Variants in CXADR observed in about 807,000 individuals in gnomAD.
CXADR encodes the protein coxsackievirus and adenovirus receptor.
Under a neutral mutation model 40.3 loss-of-function variants are expected in CXADR, and 20 were observed. The ratio of observed to expected loss-of-function variants is 0.50; its 90% confidence interval spans 0.35 to 0.72. The LOEUF (loss-of-function observed/expected upper bound fraction) is 0.72, where lower values mean the gene tolerates loss of function less well. CXADR is among the 30% of genes least tolerant of loss of function. CXADR has a pLI of 0.01. For synonymous variants in CXADR, 150 were observed against 161.3 expected, an observed-to-expected ratio of 0.93 and a Z score of 0.53; for missense variants, 332 against 449.1, an observed-to-expected ratio of 0.74 and a Z score of 2.36.
intron 7 of CXADR, among the ~76,000 whole-genome samples, chr21:17,578,761 G>T (rs2061339132): frequency 6.6e-6 from 1 of 152,194 alleles, no homozygotes; most frequent in African/African-American, 2.4e-5. Context: ...CCCCAAGGGT[G>T]CAGTGAGCCA....
chr21:17,611,205 T>C, the CXADR span, among the ~76,000 whole-genome samples: 7 of 152,326 alleles, frequency 4.6e-5, no homozygotes, highest in East Asian at 7.7e-4. Flanking sequence ...CCCAAGGCAA[T>C]TTAATATACG....
At chr21:17,609,976 T>C in the CXADR span, among the ~76,000 whole-genome samples, 2 of 152,216 alleles carry the variant, frequency 1.3e-5, no homozygotes, top group South Asian at 4.1e-4. Context: ...ATACATGTAA[T>C]GGAATATTAT....
chr21:17,587,291 C>T (rs2061404392), intron 7 of CXADR, among the ~76,000 whole-genome samples: 1 of 152,200 alleles, frequency 6.6e-6, no homozygotes, highest in Admixed American at 6.5e-5. Flanking sequence ...ATTTCTAGTT[C>T]TAGATCCCTG....
intron 1 of CXADR, among the ~76,000 whole-genome samples, chr21:17,530,732 T>G (rs1024847797): frequency 2.0e-5 from 3 of 152,136 alleles, no homozygotes; most frequent in African/African-American, 7.2e-5. Flanking sequence ...GAGAATCACT[T>G]GAGCCCAGGA....
downstream of CXADR, chr21:17,594,288 C>G: frequency 6.2e-7 from 1 of 1,612,858 alleles, no homozygotes; most frequent in Non-Finnish European, 8.5e-7. Flanking sequence ...TTTTTCTGGG[C>G]AAAGGGTGCC....
At chr21:17,539,032 T>TA (rs142620855) in intron 1 of CXADR, among the ~76,000 whole-genome samples, 4,427 of 152,254 alleles carry the variant, frequency 0.029, 87 homozygotes, top group Middle Eastern at 0.051. Flanking sequence ...TGAACGTTGA[T>TA]ACCCTGCTGC....
At chr21:17,561,968 CATTTGGCA>C (rs1382102878) in intron 6 of CXADR, among the ~76,000 whole-genome samples, 1 of 152,110 alleles carries the variant, frequency 6.6e-6, no homozygotes, top group Non-Finnish European at 1.5e-5. Flanking sequence ...TAGAAATTGA[CATTTGGCA>C]GGTCTAGGGT....
chr21:17,567,860 T>G lies in CXADR; in HGVS notation c.*2168T>G. ...AAGTGGACACGTATAAGACTTTCCT[T>G]CCTTTTTTTTTTTAATAACATATGA... On this transcript the variant is annotated 3_prime_UTR_variant, in exon 7 of 7. Coordinates refer to ENST00000284878, the MANE Select transcript of CXADR (RefSeq NM_001338.5). 1.1e-6 allele frequency: 1 copy of G among 903,934 alleles called. No individual in the cohort carries two copies. The highest frequency in any genetic ancestry group is 1.3e-6 in the Non-Finnish European group (1 of 768,756). The allele number at this position is 903,934 out of a possible 1,614,324, so 56.0% of individuals were successfully genotyped here. A position where few individuals can be genotyped will look rare whatever the true frequency, so the allele number is the denominator to read the frequency against.
At chr21:17,542,119 T>C in intron 1 of CXADR, 1 of 271,372 alleles carries the variant, frequency 3.7e-6, no homozygotes, top group South Asian at 3.4e-5. Flanking sequence ...CTGTTCTACT[T>C]TTCTCTAAGG....
chr21:17,596,598 G>A (rs1047407275), downstream of CXADR, among the ~76,000 whole-genome samples: 1 of 151,986 alleles, frequency 6.6e-6, no homozygotes, highest in Non-Finnish European at 1.5e-5. Context: ...AAGACTAACT[G>A]TATGTATGTG....
In CXADR at chr21:17,566,095, T is replaced by G; in HGVS notation, c.*403T>G. 1 of 984,054 alleles carries G rather than the reference T, an allele frequency of 1.0e-6. No individual in the cohort carries two copies. The highest frequency in any genetic ancestry group is 1.2e-6 in the Non-Finnish European group (1 of 828,082). 61.0% of individuals were successfully genotyped at this position (984,054 alleles called of 1,614,324 possible). On this transcript the variant is annotated 3_prime_UTR_variant, in exon 7 of 7. Coordinates refer to ENST00000284878, the MANE Select transcript of CXADR (RefSeq NM_001338.5). ...CATTTTTACCATTATTTTTAGGATG[T>G]GTATTTCATTTATTTATGGCCCACC...
chr21:17,592,638 CCT>C (rs1161771502), intron 7 of CXADR, among the ~76,000 whole-genome samples: 4 of 151,306 alleles, frequency 2.6e-5, no homozygotes, highest in African/African-American at 7.3e-5. Context: ...ATTTTTTTTT[CCT>C]TTTTTTCTTT....
Position 17,566,788 on chromosome 21 carries a change from A to G in CXADR, c.*1096A>G, listed in dbSNP as rs1171265879. 9.3e-6 allele frequency: 9 copies of G among 966,556 alleles called. No individual in the cohort carries two copies. The highest frequency in any genetic ancestry group is 9.8e-6 in the Non-Finnish European group (8 of 812,956). The allele number at this position is 966,556 out of a possible 1,614,324, so 59.9% of individuals were successfully genotyped here. On this transcript the variant is annotated 3_prime_UTR_variant, in exon 7 of 7. Coordinates refer to ENST00000284878, the MANE Select transcript of CXADR (RefSeq NM_001338.5). Reference sequence around the variant, plus strand: ...TCATAAATGCAGAATAATCAAATACATTTTAAGCAAGTTAAGTGTCCTCCA... The same window carrying G: ...TCATAAATGCAGAATAATCAAATACGTTTTAAGCAAGTTAAGTGTCCTCCA...
downstream of CXADR, among the ~76,000 whole-genome samples, chr21:17,573,255 C>T (rs1230699831): frequency 6.6e-6 from 1 of 152,104 alleles, no homozygotes; most frequent in Admixed American, 6.5e-5. Flanking sequence ...CAACTAATTG[C>T]GTCTGTAGCA....
In CXADR at chr21:17,567,153, G is replaced by T; in HGVS notation, c.*1461G>T. On this transcript the variant is annotated 3_prime_UTR_variant, in exon 7 of 7. Transcript: ENST00000284878. ...CGGTCTGCAATAAATTATTTCACTA[G>T]CTCTAAAACCTTTCCCTAGATTTTA... 1 of 984,694 alleles carries T rather than the reference G, an allele frequency of 1.0e-6. No individual in the cohort carries two copies. The highest frequency in any genetic ancestry group is 1.2e-6 in the Non-Finnish European group (1 of 829,336). 61.0% of individuals were successfully genotyped at this position (984,694 alleles called of 1,614,324 possible). A position where few individuals can be genotyped will look rare whatever the true frequency, so the allele number is the denominator to read the frequency against.
the CXADR span, among the ~76,000 whole-genome samples, chr21:17,624,180 C>G: frequency 6.6e-6 from 1 of 152,124 alleles, no homozygotes; most frequent in Non-Finnish European, 1.5e-5. Flanking sequence ...CATGCTTTCT[C>G]CCTCTCTTGC....
In CXADR at chr21:17,568,294, A is replaced by G; in HGVS notation, c.*2602A>G. ...CAGGCTCCCATCACCACGCTCGGCT[A>G]AGTTTTTGTAATTTTAGTAGAGACA... On this transcript the variant is annotated 3_prime_UTR_variant, in exon 7 of 7. Transcript: ENST00000284878. The G allele has an allele frequency of 1.3e-6, 1 of 790,242 alleles. No homozygotes were observed. The highest frequency in any genetic ancestry group is 1.5e-6 in the Non-Finnish European group (1 of 652,624). The allele number at this position is 790,242 out of a possible 1,614,324, so 49.0% of individuals were successfully genotyped here. A position where few individuals can be genotyped will look rare whatever the true frequency, so the allele number is the denominator to read the frequency against.
At chr21:17,633,272 T>A in the CXADR span, 1 of 152,134 alleles carries the variant, frequency 6.6e-6, no homozygotes, top group East Asian at 1.9e-4. Flanking sequence ...AAGAAGAAAT[T>A]AAAGATTATC....
chr21:17,607,259 T>C, the CXADR span, among the ~76,000 whole-genome samples: 1 of 152,186 alleles, frequency 6.6e-6, no homozygotes, highest in Non-Finnish European at 1.5e-5. Context: ...CAGTGCCTCC[T>C]TTTTCAGTAA....
Sources: allele counts gnomAD v4.1 joint callset (sites outside exome capture counted in the v4.1 genomes callset), GRCh38; gene constraint gnomAD v4.1.1; transcripts MANE v1.5; gene names NCBI Gene and HGNC (gene_info 2026-07-23, HGNC 2026-07-21).